Variants in KANTR observed in about 807,000 individuals in gnomAD.
KANTR encodes the protein KANTR integral membrane protein, also known as KDM5C adjacent transcript.
intron 2 of KANTR, among the ~76,000 whole-genome samples, chrX:53,117,607 GTGT>G (rs1427416947): frequency 2.9e-5 from 1 of 34,523 alleles, no homozygotes; most frequent in Non-Finnish European, 6.3e-5. Flanking sequence ...GTGTGTGTGT[GTGT>G]TTTTTTTTTT....
intron 2 of KANTR, among the ~76,000 whole-genome samples, chrX:53,140,461 A>G (rs1472775983): frequency 9.7e-6 from 1 of 103,440 alleles, no homozygotes; most frequent in East Asian, 3.0e-4. Flanking sequence ...AGATCACACT[A>G]CTGCCCTCCA....
At chrX:53,112,369 G>A (rs1161320650) in intron 2 of KANTR, among the ~76,000 whole-genome samples, 1 of 111,852 alleles carries the variant, frequency 8.9e-6, no homozygotes, top group African/African-American at 3.2e-5. Context: ...TTATCCACTC[G>A]TTAACTGATG....
intron 2 of KANTR, among the ~76,000 whole-genome samples, chrX:53,119,990 A>G (rs1602121934): frequency 9.0e-6 from 1 of 111,048 alleles, no homozygotes; most frequent in East Asian, 2.8e-4. Flanking sequence ...AAGTGCTGAG[A>G]TGACAGGCAT....
At chrX:53,106,724 G>A (rs1023620146) in intron 2 of KANTR, among the ~76,000 whole-genome samples, 16 of 110,509 alleles carry the variant, frequency 1.4e-4, no homozygotes, top group Admixed American at 4.8e-4. Flanking sequence ...TGTGTATAGC[G>A]TGAGAGTAGG....
downstream of KANTR, among the ~76,000 whole-genome samples, chrX:53,145,078 G>A (rs930241779): frequency 3.6e-5 from 4 of 111,750 alleles, no homozygotes; most frequent in African/African-American, 6.5e-5. Context: ...CAGCATGAGC[G>A]ATGCAGAAGA....
chrX:53,100,037 T>A (rs912561265), intron 2 of KANTR, among the ~76,000 whole-genome samples: 1 of 112,343 alleles, frequency 8.9e-6, no homozygotes, highest in Non-Finnish European at 1.9e-5. Flanking sequence ...AAATGAACAC[T>A]GGCTTCAAGT....
intron 2 of KANTR, among the ~76,000 whole-genome samples, chrX:53,140,500 C>CAAAAAAAAAAAAAAAAAAAAAAAAAAA (rs782805364): frequency 2.4e-5 from 1 of 42,477 alleles, no homozygotes; most frequent in African/African-American, 7.4e-5. Context: ...GACTCTGTCT[C>CAAAAAAAAAAAAAAAAAAAAAAAAAAA]AAAAAAAAAA....
chrX:53,133,887 AAAC>A, intron 2 of KANTR, among the ~76,000 whole-genome samples: 1 of 111,432 alleles, frequency 9.0e-6, no homozygotes, highest in Non-Finnish European at 1.9e-5. Flanking sequence ...CAGCTCTTGT[AAAC>A]TCTTAGGGAA....
intron 2 of KANTR, among the ~76,000 whole-genome samples, chrX:53,106,133 A>G (rs1472155814): frequency 1.8e-4 from 20 of 109,490 alleles, no homozygotes; most frequent in Admixed American, 1.4e-3. Context: ...CTGGGATTAC[A>G]GGCGTGAGCC....
At chrX:53,120,636 A>G (rs1260561127) in intron 2 of KANTR, among the ~76,000 whole-genome samples, 3 of 111,565 alleles carry the variant, frequency 2.7e-5, no homozygotes, top group Admixed American at 9.5e-5. Context: ...TCTCTTTTGC[A>G]GGTATATAGA....
rs782116357 is a variant in KANTR at position 53,108,024 on chromosome X, G to C, written c.-805+8416G>C. On this transcript the variant is annotated intron_variant, in intron 2 of 2. Coordinates refer to ENST00000604062, the Ensembl canonical transcript of KANTR. The stretch of plus-strand genomic sequence containing the variant: ...CCTGCCTCAGCCTCCAGAGTAGCTG[G>C]GATTATAGGCACCAGCCACTACACC... 3.7e-5 allele frequency among the ~76,000 whole-genome samples: 4 copies of C among 108,938 alleles called. No individual in the cohort carries two copies. The East Asian group carries it at 1.2e-3, about 31-fold the overall frequency. The allele number at this position is 108,938 out of a possible 115,157, so 94.6% of individuals were successfully genotyped here. A position where few individuals can be genotyped will look rare whatever the true frequency, so the allele number is the denominator to read the frequency against.
chrX:53,141,483 T>C (rs1933501048), intron 2 of KANTR, among the ~76,000 whole-genome samples: 1 of 112,305 alleles, frequency 8.9e-6, no homozygotes, highest in African/African-American at 3.2e-5. Flanking sequence ...TCTTTTATTA[T>C]CAGAATCAGC....
Position 53,119,939 on chromosome X carries a change from G to A in KANTR, c.-804-3530G>A, listed in dbSNP as rs1202386900. Among the ~76,000 whole-genome samples the A allele has an allele frequency of 3.6e-5, 4 of 110,869 alleles. No individual in the cohort carries two copies. In the East Asian group the frequency reaches 8.5e-4, roughly 23 times the overall value. On this transcript the variant is annotated intron_variant, in intron 2 of 2. Coordinates refer to ENST00000604062, the Ensembl canonical transcript of KANTR. Reference sequence around the variant, plus strand: ...CCCCCATGTTAACCAGGCTGTTCTCGAACGCCTGCGCTCAAGCAATCCACC... The same window carrying A: ...CCCCCATGTTAACCAGGCTGTTCTCAAACGCCTGCGCTCAAGCAATCCACC...
At chrX:53,122,448 C>T (rs1423291007) in intron 2 of KANTR, among the ~76,000 whole-genome samples, 3 of 111,106 alleles carry the variant, frequency 2.7e-5, no homozygotes, top group African/African-American at 6.5e-5. Context: ...TTTTTCTTGT[C>T]GTACTGAGAT....
At chrX:53,105,778 G>A (rs927938463) in intron 2 of KANTR, among the ~76,000 whole-genome samples, 9 of 107,626 alleles carry the variant, frequency 8.4e-5, no homozygotes, top group Non-Finnish European at 1.5e-4. Context: ...AAGATTACAG[G>A]CATGAGCCCC....
At chrX:53,147,673 A>T (rs1383641118), downstream of KANTR, among the ~76,000 whole-genome samples, 2 of 111,325 alleles carry the variant, frequency 1.8e-5, no homozygotes, top group Non-Finnish European at 3.8e-5. Context: ...CATTCTTTTC[A>T]GCACCACACC....
intron 1 of KANTR, among the ~76,000 whole-genome samples, chrX:53,096,163 TAC>T (rs1932843630): frequency 9.0e-6 from 1 of 111,626 alleles, no homozygotes; most frequent in Non-Finnish European, 1.9e-5. Context: ...CATGGTATTC[TAC>T]ACCTTTTTCA....
chrX:53,128,355 A>G (rs1933316596), downstream of KANTR, among the ~76,000 whole-genome samples: 1 of 111,784 alleles, frequency 8.9e-6, no homozygotes, highest in Non-Finnish European at 1.9e-5. Flanking sequence ...TAACACTGGT[A>G]GGAAGAATAG....
At chrX:53,143,610 G>T (rs879970600), downstream of KANTR, 18 of 670,118 alleles carry the variant, frequency 2.7e-5, no homozygotes, top group South Asian at 3.6e-4. Flanking sequence ...ACAGCACCGG[G>T]TGCTTCTCTG....
Sources: gnomAD v4.1 joint callset for allele counts (sites outside exome capture counted in the v4.1 genomes callset) on GRCh38, gnomAD v4.1.1 for gene constraint, MANE v1.5 for transcripts, NCBI Gene and HGNC (gene_info 2026-07-23, HGNC 2026-07-21) for gene names.